The following ALCAM variants were observed in gnomAD, a reference collection of about 807,000 sequenced individuals.
The protein encoded by ALCAM is activated leukocyte cell adhesion molecule, also known as CD166 antigen.
In ALCAM, 30 loss-of-function variants were observed where a neutral mutation model predicts 70.9. The observed-to-expected ratio is 0.42, with a 90% CI of 0.32 to 0.57. ALCAM has a LOEUF of 0.57. Among genes scored for constraint, ALCAM ranks in the 20% least tolerant of loss-of-function variants. ALCAM has a pLI of 0.11. For synonymous variants in ALCAM, 249 were observed against 242.5 expected (o/e 1.03, Z -0.25); for missense variants, 591 against 695.1 (o/e 0.85, Z 1.68).
At chr3:105,485,339 A>G (rs1231553201) in intron 1 of ALCAM, among the ~76,000 whole-genome samples, 2 of 151,812 alleles carry the variant, frequency 1.3e-5, no homozygotes, top group African/African-American at 4.8e-5. Flanking sequence ...CTAGTAGATA[A>G]TCTAGTTTAT....
intron 1 of ALCAM, among the ~76,000 whole-genome samples, chr3:105,446,302 G>C (rs1190484122): frequency 6.6e-6 from 1 of 152,024 alleles, no homozygotes; most frequent in East Asian, 1.9e-4. Flanking sequence ...TAGAATGACT[G>C]TTATCACAAA....
rs138574237 is a variant in ALCAM, at chr3:105,378,148, AC to A, written c.73+10669del. On this transcript the variant is annotated intron_variant, in intron 1 of 15. Transcript: ENST00000306107. The stretch of plus-strand genomic sequence containing the variant: ...AAATCAGTGCCACTAAATATTTTTC[AC>A]CTGTAATTTTTTAACCCATTAAGGA... Among the ~76,000 whole-genome samples the A allele has an allele frequency of 4.9e-3, 742 of 152,064 alleles. 10 individuals are homozygous for A. Among genetic ancestry groups the A allele is most frequent in the African/African-American group, 0.017 (686 of 41,532 alleles).
intron 1 of ALCAM, among the ~76,000 whole-genome samples, chr3:105,455,315 G>C (rs1294363731): frequency 6.6e-6 from 1 of 151,568 alleles, no homozygotes; most frequent in Non-Finnish European, 1.5e-5. Context: ...GGTGGCGGGC[G>C]CCTGTGGTCC....
At chr3:105,506,083 T>A (rs1016108796) in intron 1 of ALCAM, among the ~76,000 whole-genome samples, 4 of 152,186 alleles carry the variant, frequency 2.6e-5, no homozygotes, top group Admixed American at 6.5e-5. Context: ...TTTTTAAAAT[T>A]AGAAACACAA....
intron 1 of ALCAM, among the ~76,000 whole-genome samples, chr3:105,397,008 C>A (rs1271028793): frequency 6.6e-6 from 1 of 151,766 alleles, no homozygotes; most frequent in Non-Finnish European, 1.5e-5. Flanking sequence ...CCTTTTTTTG[C>A]GAGGCTATAT....
intron 1 of ALCAM, among the ~76,000 whole-genome samples, chr3:105,403,103 C>G (rs539047462): frequency 6.6e-6 from 1 of 152,030 alleles, no homozygotes; most frequent in South Asian, 2.1e-4. Context: ...CCCGCCACCA[C>G]GCCCAGCCAA....
At chr3:105,466,610 C>G (rs1227685140) in intron 1 of ALCAM, among the ~76,000 whole-genome samples, 2 of 151,312 alleles carry the variant, frequency 1.3e-5, no homozygotes, top group Non-Finnish European at 3.0e-5. Context: ...GTCCATCTAA[C>G]TTAATCAAGA....
chr3:105,558,150 G>A (rs565645497), intron 14 of ALCAM, among the ~76,000 whole-genome samples: 3 of 152,126 alleles, frequency 2.0e-5, no homozygotes, highest in Admixed American at 2.0e-4. Context: ...GCTGGAAGTG[G>A]TAACTCTACA....
chr3:105,570,278 C>G (rs1358511600), intron 14 of ALCAM, among the ~76,000 whole-genome samples: 1 of 151,522 alleles, frequency 6.6e-6, no homozygotes, highest in Non-Finnish European at 1.5e-5. Flanking sequence ...AAAAGATACT[C>G]AAAAGAGATA....
chr3:105,417,084 G>T (rs908974795), intron 1 of ALCAM, among the ~76,000 whole-genome samples: 3 of 151,620 alleles, frequency 2.0e-5, no homozygotes, highest in Admixed American at 6.6e-5. Flanking sequence ...TTGTACTCAA[G>T]CTTTGGCTTT....
intron 1 of ALCAM, among the ~76,000 whole-genome samples, chr3:105,500,314 CACCAT>C (rs1938886206): frequency 6.6e-6 from 1 of 152,090 alleles, no homozygotes; most frequent in South Asian, 2.1e-4. Context: ...TTCTTTCACT[CACCAT>C]CTCTTCTTTT....
chr3:105,436,776 A>G (rs1341545179), intron 1 of ALCAM, among the ~76,000 whole-genome samples: 3 of 152,180 alleles, frequency 2.0e-5, no homozygotes, highest in Non-Finnish European at 4.4e-5. Context: ...TGAGCTGGTC[A>G]GGGTTGGAGT....
chr3:105,560,906 T>C (rs1940617650), intron 14 of ALCAM, among the ~76,000 whole-genome samples: 1 of 152,192 alleles, frequency 6.6e-6, no homozygotes, highest in African/African-American at 2.4e-5. Context: ...TTCATATAAA[T>C]TTTAGCAACT....
intron 3 of ALCAM, among the ~76,000 whole-genome samples, chr3:105,525,701 T>C (rs1201066752): frequency 6.6e-6 from 1 of 152,216 alleles, no homozygotes; most frequent in Non-Finnish European, 1.5e-5. Context: ...TCAAAGCTCC[T>C]ATGGGCTCAT....
intron 1 of ALCAM, among the ~76,000 whole-genome samples, chr3:105,492,612 CAT>C (rs1302072629): frequency 6.6e-6 from 1 of 152,160 alleles, no homozygotes; most frequent in Non-Finnish European, 1.5e-5. Flanking sequence ...TATAACCCAA[CAT>C]ATGTCAAATA....
chr3:105,565,845 G>T (rs534624346), intron 14 of ALCAM, among the ~76,000 whole-genome samples: 1 of 152,136 alleles, frequency 6.6e-6, no homozygotes, highest in Non-Finnish European at 1.5e-5. Flanking sequence ...TTTCTCATGC[G>T]CTTTTCTTTG....
intron 1 of ALCAM, among the ~76,000 whole-genome samples, chr3:105,425,470 G>C (rs1269645602): frequency 6.6e-6 from 1 of 151,670 alleles, no homozygotes; most frequent in Non-Finnish European, 1.5e-5. Flanking sequence ...TGATCCCGGA[G>C]AAACGATTTT....
At chr3:105,462,079 A>G (rs1387891382) in intron 1 of ALCAM, among the ~76,000 whole-genome samples, 2 of 151,746 alleles carry the variant, frequency 1.3e-5, no homozygotes, top group Non-Finnish European at 3.0e-5. Context: ...AGTTGTGCCA[A>G]TATTTCTAGA....
At position 105,547,421 on chromosome 3, in the gene ALCAM, T is replaced by C; in HGVS notation, c.1272T>C (p.Thr424=). 6.2e-7 allele frequency: 1 copy of C among 1,607,636 alleles called. No homozygotes were observed. Among genetic ancestry groups the C allele is most frequent in the East Asian group, 2.2e-5 (1 of 44,756 alleles). ...CTCAAATAAAAATGACAAAGAAAAC[T>C]GATCCCAGTGGACTATCTAAAACAA... ...GKPQIKMTKK[T]DPSGLSKTII... is the part of the protein sequence containing the mutation. The change falls in exon 11 of 16, where the codon ACT becomes ACC. Residue 424 remains threonine, a synonymous_variant. Coordinates refer to ENST00000306107, the MANE Select transcript of ALCAM (RefSeq NM_001627.4).
Sources: allele counts gnomAD v4.1 joint callset (sites outside exome capture counted in the v4.1 genomes callset), GRCh38; gene constraint gnomAD v4.1.1; transcripts MANE v1.5; gene names NCBI Gene and HGNC (gene_info 2026-07-23, HGNC 2026-07-21).